KYAT3: variants seen among roughly 807,000 people sequenced by gnomAD.
KYAT3 encodes the protein kynurenine aminotransferase 3, also known as kynurenine--oxoglutarate transaminase 3.
Under a neutral mutation model 59.0 loss-of-function variants are expected in KYAT3, and 50 were observed. The observed-to-expected ratio is 0.85, with a 90% CI of 0.68 to 1.07. The LOEUF (loss-of-function observed/expected upper bound fraction) is 1.07. KYAT3 is among the 50% of genes least tolerant of loss of function. The probability of loss-of-function intolerance (pLI) is 0.00; values close to 1 mark genes in which losing one functional copy is unlikely to be tolerated. For missense variants in KYAT3, 497 were observed against 533.3 expected, an observed-to-expected ratio of 0.93 and a Z score of 0.67; for synonymous variants, 148 against 177.0, an observed-to-expected ratio of 0.84 and a Z score of 1.30.
chr1:88,929,139 C>G, the KYAT3 span, among the ~76,000 whole-genome samples: 1 of 152,048 alleles, frequency 6.6e-6, no homozygotes, highest in African/African-American at 2.4e-5. Context: ...AAAGGCAGTA[C>G]CCCCTTAGAC....
intron 3 of KYAT3, 52 bp from the exon 4 acceptor site, chr1:88,968,866 G>C (rs974768686): frequency 7.3e-7 from 1 of 1,361,828 alleles, no homozygotes; most frequent in Non-Finnish European, 1.0e-6. Flanking sequence ...TATAAAGTTC[G>C]CTTTTTTATA....
chr1:88,944,220 T>G (rs1313248823), intron 11 of KYAT3, among the ~76,000 whole-genome samples: 1 of 152,248 alleles, frequency 6.6e-6, no homozygotes, highest in East Asian at 1.9e-4. Flanking sequence ...CTAATATTGA[T>G]GGTTATCGTC....
At chr1:88,969,782 T>C (rs928953260) in intron 2 of KYAT3, among the ~76,000 whole-genome samples, 1 of 152,104 alleles carries the variant, frequency 6.6e-6, no homozygotes, top group Admixed American at 6.6e-5. Context: ...GGTGGGACTA[T>C]AGGCATATCC....
At chr1:88,966,307 T>A (rs1363387512) in intron 4 of KYAT3, among the ~76,000 whole-genome samples, 1 of 152,216 alleles carries the variant, frequency 6.6e-6, no homozygotes, top group African/African-American at 2.4e-5. Context: ...AACCCTGCTA[T>A]AGACCAATTT....
chr1:88,961,989 A>G (rs1483113109), intron 6 of KYAT3, 70 bp downstream of exon 6: 16 of 1,042,684 alleles, frequency 1.5e-5, no homozygotes, highest in Non-Finnish European at 2.4e-5. Context: ...TATCATGACA[A>G]AGTAATTGGT....
chr1:88,957,269 A>G (rs567793567), intron 8 of KYAT3, among the ~76,000 whole-genome samples: 1 of 152,348 alleles, frequency 6.6e-6, no homozygotes, highest in East Asian at 1.9e-4. Flanking sequence ...ATACTTTAAG[A>G]TTTGATATAA....
intron 9 of KYAT3, among the ~76,000 whole-genome samples, chr1:88,954,690 G>C (rs1484427241): frequency 6.6e-6 from 1 of 152,130 alleles, no homozygotes; most frequent in Non-Finnish European, 1.5e-5. Context: ...AGCCAAATAA[G>C]TCAAGAGATA....
rs1675312553 is a variant in KYAT3 at position 88,943,355 on chromosome 1, G to C, written c.1210C>G (p.His404Asp). The C allele has an allele frequency of 2.6e-6, 4 of 1,529,840 alleles. No homozygotes were observed. Among genetic ancestry groups the C allele is most frequent in the Non-Finnish European group, 3.6e-6 (4 of 1,111,872 alleles). The allele number at this position is 1,529,840 out of a possible 1,614,324, so 94.8% of individuals were successfully genotyped here. A position where few individuals can be genotyped will look rare whatever the true frequency, so the allele number is the denominator to read the frequency against. The change falls in exon 12 of 14, where the codon CAT (histidine) becomes GAT (aspartate). Residue 404 changes from histidine (H) to aspartate (D), a missense_variant. Around this residue, in one of 2 missense-constraint regions of KYAT3, gnomAD observed 469 missense variants for 479.1 expected, o/e 0.98. Coordinates refer to ENST00000260508, the MANE Select transcript of KYAT3 (RefSeq NM_001008661.3). ...DYKFVKWMTK[H>D]KKLSAIPVSA... The stretch of plus-strand genomic sequence containing the variant: ...CAAAGAACAATAAACATTACCTTAT[G>C]TTTAGTCATCCATTTCACAAACTTA...
chr1:88,979,282 C>T (rs4655890), intron 2 of KYAT3, among the ~76,000 whole-genome samples: 65,852 of 151,834 alleles, frequency 0.43, 14,557 homozygotes, highest in Admixed American at 0.49. Context: ...TCACATCTCC[C>T]ACCTTCATGG....
downstream of KYAT3, among the ~76,000 whole-genome samples, chr1:88,934,226 G>A (rs558398279): frequency 2.0e-5 from 3 of 152,042 alleles, no homozygotes; most frequent in Admixed American, 6.6e-5. Context: ...AGGCTGAGGC[G>A]GGCGGATCAC....
chr1:88,978,669 GTTC>G (rs1367215918), intron 2 of KYAT3, among the ~76,000 whole-genome samples: 10 of 143,806 alleles, frequency 7.0e-5, no homozygotes, highest in Non-Finnish European at 1.6e-4. Context: ...GGCTAATTTT[GTTC>G]TTAATTTTTT....
chr1:88,923,074 A>G, the KYAT3 span, among the ~76,000 whole-genome samples: 1 of 152,236 alleles, frequency 6.6e-6, no homozygotes, highest in African/African-American at 2.4e-5. Flanking sequence ...TCCTGTATCA[A>G]GCTGTAACTG....
intron 13 of KYAT3, among the ~76,000 whole-genome samples, chr1:88,939,005 G>T (rs575709898): frequency 6.6e-6 from 1 of 152,304 alleles, no homozygotes; most frequent in Admixed American, 6.5e-5. Flanking sequence ...CATCTGAACA[G>T]AAATTTTCAA....
At chr1:88,963,645 A>T (rs1676232000) in intron 5 of KYAT3, among the ~76,000 whole-genome samples, 1 of 152,206 alleles carries the variant, frequency 6.6e-6, no homozygotes, top group South Asian at 2.1e-4. Flanking sequence ...TGTTCCTCGT[A>T]ATCCATTTGC....
At chr1:88,966,521 T>C (rs1307921665) in intron 4 of KYAT3, among the ~76,000 whole-genome samples, 1 of 152,194 alleles carries the variant, frequency 6.6e-6, no homozygotes, top group East Asian at 1.9e-4. Context: ...ACTTTCTAAT[T>C]GTTCATTTTA....
chr1:88,964,251 C>T (rs17130670), intron 5 of KYAT3, among the ~76,000 whole-genome samples: 1 of 152,150 alleles, frequency 6.6e-6, no homozygotes, highest in Non-Finnish European at 1.5e-5. Flanking sequence ...ATGGCTTATA[C>T]AATTACTGGG....
intron 2 of KYAT3, among the ~76,000 whole-genome samples, chr1:88,970,672 A>C (rs552914962): frequency 6.6e-6 from 1 of 152,188 alleles, no homozygotes; most frequent in Non-Finnish European, 1.5e-5. Context: ...CATAGCATAC[A>C]ATTTTTTAGT....
the KYAT3 span, chr1:88,923,317 T>C: frequency 3.7e-4 from 57 of 152,334 alleles, 1 homozygote; most frequent in African/African-American, 1.3e-3. Context: ...TTTAAAAATT[T>C]CCTTGGTTTA....
chr1:88,962,695 C>T lies in KYAT3; in HGVS notation c.454-550G>A, dbSNP rs138559110. On this transcript the variant is annotated intron_variant, in intron 5 of 13. Coordinates refer to ENST00000260508, the MANE Select transcript of KYAT3 (RefSeq NM_001008661.3). ...TGTATTTTTAGTAGAGATGGGGTTT[C>T]GCCGTGTTGCCCAGGCTGGTCTCAA... is the stretch of plus-strand genomic sequence containing the variant. Among the ~76,000 whole-genome samples the T allele has an allele frequency of 3.5e-3, 527 of 152,236 alleles. 5 individuals carry two copies. Among genetic ancestry groups the T allele is most frequent in the African/African-American group, 0.012 (506 of 41,548 alleles).
Sources: allele counts gnomAD v4.1 joint callset (sites outside exome capture counted in the v4.1 genomes callset), GRCh38; gene constraint gnomAD v4.1.1; regional missense constraint gnomAD v4.1.1; transcripts MANE v1.5; gene names NCBI Gene and HGNC (gene_info 2026-07-23, HGNC 2026-07-21).